Variants in PCDHGA1 observed in about 807,000 individuals in gnomAD.
PCDHGA1 encodes protocadherin gamma subfamily A, 1, also known as protocadherin gamma-A1.
A neutral mutation model predicts 58.0 loss-of-function variants in PCDHGA1; 32 were observed. The observed-to-expected ratio is 0.55, with a 90% confidence interval of 0.42 to 0.74. The LOEUF is 0.74. Ranked by LOEUF, PCDHGA1 falls within the 30% of genes least tolerant of loss-of-function variation. The probability of loss-of-function intolerance (pLI) is 0.00; values close to 1 mark genes in which losing one functional copy is unlikely to be tolerated. For synonymous variants in PCDHGA1, 498 were observed against 501.1 expected, an observed-to-expected ratio of 0.99 and a Z score of 0.08; for missense variants, 1,205 against 1,182.3, an observed-to-expected ratio of 1.02 and a Z score of -0.28.
At chr5:141,356,618 C>T (rs1431984672) in intron 1 of PCDHGA1, 3 of 1,614,090 alleles carry the variant, frequency 1.9e-6, no homozygotes, top group Admixed American at 3.3e-5. Context: ...TCCATCTTAT[C>T]TATGACTGCT....
intron 1 of PCDHGA1, chr5:141,389,923 C>T: frequency 6.2e-7 from 1 of 1,614,076 alleles, no homozygotes; most frequent in Non-Finnish European, 8.5e-7. Context: ...CCCGACCCCT[C>T]TGACCTCCAG....
At chr5:141,366,229 G>T in intron 1 of PCDHGA1, 1 of 1,613,808 alleles carries the variant, frequency 6.2e-7, no homozygotes, top group South Asian at 1.1e-5. Context: ...GAGCCCTGCT[G>T]GACAGAGACG....
At chr5:141,337,918 G>C (rs1257436134) in intron 1 of PCDHGA1, among the ~76,000 whole-genome samples, 1 of 152,204 alleles carries the variant, frequency 6.6e-6, no homozygotes, top group East Asian at 1.9e-4. Flanking sequence ...TCCGGCTCTA[G>C]CTTTATCAAA....
intron 1 of PCDHGA1, chr5:141,344,124 A>G (rs756088193): frequency 9.3e-6 from 15 of 1,613,910 alleles, no homozygotes; most frequent in Non-Finnish European, 1.1e-5. Flanking sequence ...ATCCGGTCAG[A>G]TCCGCTACTC....
intron 1 of PCDHGA1, among the ~76,000 whole-genome samples, chr5:141,437,886 C>A (rs763669578): frequency 6.6e-6 from 1 of 152,022 alleles, no homozygotes; most frequent in Non-Finnish European, 1.5e-5. Flanking sequence ...TACAGGCACA[C>A]GCCACCACAC....
intron 1 of PCDHGA1, chr5:141,378,290 C>G (rs544518611): frequency 6.6e-6 from 1 of 152,232 alleles, no homozygotes; most frequent in Non-Finnish European, 1.5e-5. Flanking sequence ...TTTGGGAGGC[C>G]AAGGCAGGCA....
intron 1 of PCDHGA1, chr5:141,399,391 G>C: frequency 2.5e-6 from 4 of 1,613,964 alleles, no homozygotes; most frequent in Non-Finnish European, 3.4e-6. Flanking sequence ...CACAGCCACA[G>C]ACAGGGGCAA....
At chr5:141,483,385 G>C (rs1166547027) in intron 1 of PCDHGA1, among the ~76,000 whole-genome samples, 1 of 152,160 alleles carries the variant, frequency 6.6e-6, no homozygotes, top group Non-Finnish European at 1.5e-5. Context: ...AGAGAAGATT[G>C]ATAAATGCTT....
intron 1 of PCDHGA1, among the ~76,000 whole-genome samples, chr5:141,349,439 A>G (rs1021384495): frequency 6.6e-5 from 10 of 152,170 alleles, no homozygotes; most frequent in African/African-American, 2.2e-4. Flanking sequence ...ATGAGATTCC[A>G]CTTCATAAAA....
At chr5:141,466,034 A>T (rs189202430) in intron 1 of PCDHGA1, among the ~76,000 whole-genome samples, 1,557 of 152,178 alleles carry the variant, frequency 0.01, 35 homozygotes, top group African/African-American at 0.035. Flanking sequence ...AGGCAGGAGA[A>T]CGGCATGAAC....
chr5:141,372,098 G>A lies in PCDHGA1; in HGVS notation c.2421+38993G>A. ...CGCTGGTGCTGTACCCAGCTCTGGG[G>A]CCCGAAGGCTCTGCGCTCTTCGATA... On this transcript the variant is annotated intron_variant, in intron 1 of 3. Transcript: ENST00000517417. The A allele has an allele frequency of 2.5e-6, 4 of 1,613,794 alleles. No individual in the cohort carries two copies. In the South Asian group the frequency reaches 4.4e-5, roughly 18 times the overall value.
intron 1 of PCDHGA1, chr5:141,382,643 A>G (rs1179734699): frequency 2.5e-6 from 1 of 392,566 alleles, no homozygotes; most frequent in Non-Finnish European, 4.5e-6. Flanking sequence ...TGGTGCAGTA[A>G]CTTAGTAAGG....
intron 1 of PCDHGA1, chr5:141,419,237 C>A (rs2096348240): frequency 6.2e-7 from 1 of 1,613,988 alleles, no homozygotes; most frequent in Non-Finnish European, 8.5e-7. Flanking sequence ...CTACCTGGTC[C>A]ACGTGCCAGA....
intron 1 of PCDHGA1, among the ~76,000 whole-genome samples, chr5:141,460,724 A>G (rs1294708205): frequency 6.6e-6 from 1 of 152,114 alleles, no homozygotes; most frequent in Non-Finnish European, 1.5e-5. Flanking sequence ...TGTTATAAGC[A>G]TATATACACA....
intron 1 of PCDHGA1, chr5:141,340,711 C>G: frequency 3.7e-6 from 6 of 1,614,130 alleles, no homozygotes; most frequent in Non-Finnish European, 3.4e-6. Flanking sequence ...TGGCGCCCCG[C>G]TCCGCAGAGC....
Position 141,389,722 on chromosome 5 carries a change from G to C in PCDHGA1, c.2421+56617G>C, listed in dbSNP as rs141134077. 15,348 of 1,612,674 alleles carry C rather than the reference G, an allele frequency of 9.5e-3. 102 individuals are homozygous for C. The highest frequency in any genetic ancestry group is 0.028 in the Middle Eastern group (161 of 5,786). On this transcript the variant is annotated intron_variant, in intron 1 of 3. Coordinates refer to ENST00000517417, the MANE Select transcript of PCDHGA1 (RefSeq NM_018912.3). ...CACGTGCTGCAGGCTAGCGAGCCCG[G>C]GCTCTTCAGCCTGGGGCTGCGCACG...
At chr5:141,338,278 G>T (rs2149719830) in intron 1 of PCDHGA1, among the ~76,000 whole-genome samples, 1 of 152,276 alleles carries the variant, frequency 6.6e-6, no homozygotes, top group East Asian at 1.9e-4. Flanking sequence ...ATGCAAAGTG[G>T]GAGGCACATG....
intron 1 of PCDHGA1, among the ~76,000 whole-genome samples, chr5:141,446,120 T>C (rs2098489182): frequency 6.6e-6 from 1 of 152,196 alleles, no homozygotes; most frequent in Admixed American, 6.5e-5. Flanking sequence ...AGGAAATGGG[T>C]TCAATAAGAC....
chr5:141,477,265 G>A lies in PCDHGA1; in HGVS notation c.2422-17542G>A. The A allele has an allele frequency of 6.2e-7, 1 of 1,614,198 alleles. No individual in the cohort carries two copies. Among genetic ancestry groups the A allele is most frequent in the African/African-American group, 1.3e-5 (1 of 75,048 alleles). On this transcript the variant is annotated intron_variant, in intron 1 of 3. Transcript: ENST00000517417. The surrounding 1 kb of genome is among the most constrained non-coding windows in gnomAD (Gnocchi z 4.9). ...GTGTGACTGACCTGGATGCTGGCGA[G>A]AACGGGCTGGTGACCTGCGAAGTTC...
Sources: gnomAD v4.1 joint callset for allele counts (sites outside exome capture counted in the v4.1 genomes callset) on GRCh38, gnomAD v4.1.1 for gene constraint, Gnocchi (gnomAD v3.1) non-coding constraint, MANE v1.5 for transcripts, NCBI Gene and HGNC (gene_info 2026-07-23, HGNC 2026-07-21) for gene names.